GLI2: variants seen among roughly 807,000 people sequenced by gnomAD.
GLI2 encodes the protein GLI family zinc finger 2.
In GLI2, 22 loss-of-function variants were observed where a neutral mutation model predicts 78.9. The ratio of observed to expected loss-of-function variants is 0.28; its 90% CI spans 0.20 to 0.40. GLI2 has a LOEUF of 0.40. Among genes scored for constraint, GLI2 ranks in the 10% least tolerant of loss-of-function variants. GLI2 has a pLI of 1.00. For missense variants in GLI2, 2,097 were observed against 2,213.2 expected, an observed-to-expected ratio of 0.95 and a Z score of 1.05; for synonymous variants, 974 against 963.7, an observed-to-expected ratio of 1.01 and a Z score of -0.20.
intron 3 of GLI2, among the ~76,000 whole-genome samples, chr2:120,931,681 T>A (rs960850203): frequency 1.3e-5 from 2 of 152,144 alleles, no homozygotes; most frequent in African/African-American, 4.8e-5. Flanking sequence ...TCTTCCTGAT[T>A]GCTCTGTGAG....
At chr2:120,978,338 T>C (rs1390858633) in intron 9 of GLI2, 96 bp from the exon 10 acceptor site, 5 of 1,336,564 alleles carry the variant, frequency 3.7e-6, no homozygotes, top group Non-Finnish European at 5.3e-6. Flanking sequence ...CGGGGAGGGC[T>C]GGGGGGGTGC....
At chr2:120,913,368 A>AT (rs1348678009) in intron 2 of GLI2, among the ~76,000 whole-genome samples, 3 of 152,236 alleles carry the variant, frequency 2.0e-5, no homozygotes, top group African/African-American at 2.4e-5. Flanking sequence ...CTCATTAACA[A>AT]TTTTTTTACT....
Position 120,988,677 on chromosome 2 carries a change from C to A in GLI2, c.2712C>A (p.Asp904Glu). 7.6e-7 allele frequency: 1 copy of A among 1,320,944 alleles called. No individual in the cohort carries two copies. Among genetic ancestry groups the A allele is most frequent in the Non-Finnish European group, 9.7e-7 (1 of 1,032,602 alleles). The allele number at this position is 1,320,944 out of a possible 1,614,324, so 81.8% of individuals were successfully genotyped here. The change falls in exon 14 of 14, where the codon GAC (aspartate) becomes GAA (glutamate). Residue 904 changes from aspartate to glutamate, a missense_variant. By Grantham distance (45) the Asp-to-Glu change is conservative. Around this residue, in one of 5 missense-constraint regions of GLI2, gnomAD observed 1,290 missense variants for 1,261.7 expected, o/e 1.02. Transcript: ENST00000361492. ...TGCGGACCAGGCTGGCGCTGCTGGA[C>A]GCGCCCGAGCGCACGCTGCCCGCCG... Reference protein sequence around the residue: ...MSLRTRLALLDAPERTLPAGC... With the variant: ...MSLRTRLALLEAPERTLPAGC...
At chr2:120,885,155 G>A (rs548033615) in intron 2 of GLI2, among the ~76,000 whole-genome samples, 1 of 152,302 alleles carries the variant, frequency 6.6e-6, no homozygotes, top group South Asian at 2.1e-4. Context: ...TCACCCCCAG[G>A]GAAGAGATCT....
intron 2 of GLI2, among the ~76,000 whole-genome samples, chr2:120,908,615 C>A (rs1374299362): frequency 6.6e-6 from 1 of 152,136 alleles, no homozygotes; most frequent in Non-Finnish European, 1.5e-5. Context: ...GGGAAGACAC[C>A]CCCTGCCCCC....
intron 2 of GLI2, among the ~76,000 whole-genome samples, chr2:120,879,769 G>A (rs1000831675): frequency 1.3e-5 from 2 of 152,190 alleles, no homozygotes; most frequent in Admixed American, 1.3e-4. Context: ...GATTCCAATT[G>A]AGTGTGTTAA....
intron 2 of GLI2, among the ~76,000 whole-genome samples, chr2:120,917,349 A>C (rs1679151311): frequency 6.6e-6 from 1 of 152,252 alleles, no homozygotes; most frequent in Non-Finnish European, 1.5e-5. Context: ...ACGACCATGT[A>C]GCCAGTGGTG....
At chr2:120,971,867 T>C (rs777189388) in intron 7 of GLI2, 74 bp from the exon 8 acceptor site, 4 of 1,369,528 alleles carry the variant, frequency 2.9e-6, no homozygotes, top group Non-Finnish European at 4.2e-6. Flanking sequence ...GATCCTAGAG[T>C]TAAAGTCCAA....
chr2:120,841,206 A>G (rs536744711), intron 2 of GLI2, among the ~76,000 whole-genome samples: 1 of 152,342 alleles, frequency 6.6e-6, no homozygotes, highest in East Asian at 1.9e-4. Flanking sequence ...CAAAAGACCC[A>G]TGAAGTGGTC....
intron 5 of GLI2, among the ~76,000 whole-genome samples, chr2:120,961,915 C>G (rs1243846010): frequency 3.3e-5 from 5 of 152,178 alleles, no homozygotes; most frequent in Non-Finnish European, 5.9e-5. Flanking sequence ...AATAACCCAG[C>G]CCCGGGCTGA....
At chr2:120,801,725 C>T (rs966291417) in intron 2 of GLI2, among the ~76,000 whole-genome samples, 8 of 152,170 alleles carry the variant, frequency 5.3e-5, no homozygotes, top group African/African-American at 1.9e-4. Flanking sequence ...CCGGAAAGCT[C>T]GGAAAACCCA....
intron 5 of GLI2, among the ~76,000 whole-genome samples, chr2:120,968,222 C>T (rs754989220): frequency 1.2e-4 from 19 of 152,190 alleles, no homozygotes; most frequent in Non-Finnish European, 2.2e-4. Context: ...CAACAAGAAG[C>T]TGTGTGTTAG....
intron 2 of GLI2, among the ~76,000 whole-genome samples, chr2:120,816,092 T>C (rs961654452): frequency 2.0e-5 from 3 of 152,162 alleles, no homozygotes; most frequent in African/African-American, 7.2e-5. Context: ...GTGATGATGT[T>C]TGGGGACTGA....
At chr2:120,849,747 G>A (rs375939873) in intron 2 of GLI2, among the ~76,000 whole-genome samples, 34 of 152,308 alleles carry the variant, frequency 2.2e-4, no homozygotes, top group African/African-American at 6.7e-4. Context: ...AAAGAGCAAC[G>A]TCCACATGGA....
chr2:120,857,200 G>A (rs1291965626), intron 2 of GLI2, among the ~76,000 whole-genome samples: 1 of 152,122 alleles, frequency 6.6e-6, no homozygotes, highest in Non-Finnish European at 1.5e-5. Context: ...GGCTATGGAG[G>A]AAAGAGGAGT....
At position 120,978,603 on chromosome 2, in the gene GLI2, C is replaced by A. The variant is rs770175111; in HGVS notation, c.1467+20C>A. 1 of 1,604,630 alleles carries A rather than the reference C, an allele frequency of 6.2e-7. No homozygotes were observed. The highest frequency in any genetic ancestry group is 1.7e-5 in the Admixed American group (1 of 59,256). On this transcript the variant is annotated intron_variant, in intron 10 of 13. Transcript: ENST00000361492. ...TGCACGGTGAGTGGCCTTCTCCCCACCCCCGCCGCAGCATCAAGACTGGCC... is the reference window on the plus strand; with the variant it reads ...TGCACGGTGAGTGGCCTTCTCCCCAACCCCGCCGCAGCATCAAGACTGGCC...
rs112603738 is a variant in GLI2 at position 120,882,437 on chromosome 2, G to A, written c.149-44924G>A. Among the ~76,000 whole-genome samples, 338 of 152,356 alleles carry A rather than the reference G, an allele frequency of 2.2e-3. 3 individuals are homozygous for A. The highest frequency in any genetic ancestry group is 6.7e-3 in the African/African-American group (279 of 41,584). ...CTCACTTCATGGCCTCAGTTCGCTC[G>A]CCTGTGAAATGTAGGTGTGTGTCCC... is the stretch of plus-strand genomic sequence containing the variant. On this transcript the variant is annotated intron_variant, in intron 2 of 13. Transcript: ENST00000361492.
chr2:120,868,135 C>T (rs1688241722), intron 2 of GLI2, among the ~76,000 whole-genome samples: 1 of 152,222 alleles, frequency 6.6e-6, no homozygotes, highest in South Asian at 2.1e-4. Flanking sequence ...CTTCTGAGAG[C>T]TCAGTCTTCG....
At chr2:120,782,388 G>C (rs1337843233) in intron 1 of GLI2, among the ~76,000 whole-genome samples, 4 of 152,192 alleles carry the variant, frequency 2.6e-5, no homozygotes, top group African/African-American at 9.7e-5. Flanking sequence ...AGTGCCTTCT[G>C]TGTGTGGGGT....
Sources: allele counts gnomAD v4.1 joint callset (sites outside exome capture counted in the v4.1 genomes callset), GRCh38; gene constraint gnomAD v4.1.1; regional missense constraint gnomAD v4.1.1; transcripts MANE v1.5; gene names NCBI Gene and HGNC (gene_info 2026-07-23, HGNC 2026-07-21).